CEP70: variants seen among roughly 807,000 people sequenced by gnomAD.
CEP70 encodes the protein centrosomal protein 70, also known as centrosomal protein of 70 kDa.
In CEP70, 70 loss-of-function variants were observed where a neutral mutation model predicts 90.9. That is an observed-to-expected ratio of 0.77 (90% CI 0.64 to 0.94). CEP70 has a LOEUF of 0.94. Among genes scored for constraint, CEP70 ranks in the 40% least tolerant of loss-of-function variants. CEP70 has a pLI of 0.00. For missense variants in CEP70, 648 were observed against 669.0 expected (o/e 0.97, Z 0.35); for synonymous variants, 220 against 228.3 (o/e 0.96, Z 0.33).
At chr3:138,591,797 T>C (rs538665872) in intron 2 of CEP70, 57 bp downstream of exon 2, 2 of 1,406,388 alleles carry the variant, frequency 1.4e-6, no homozygotes, top group South Asian at 1.2e-5. Context: ...TCAATAAATA[T>C]TAGATTTTTT....
chr3:138,524,591 C>T (rs192301519), intron 11 of CEP70, among the ~76,000 whole-genome samples: 1 of 152,064 alleles, frequency 6.6e-6, no homozygotes, highest in Non-Finnish European at 1.5e-5. Context: ...ACCCCATCAA[C>T]AAGTGGGCAA....
intron 7 of CEP70, among the ~76,000 whole-genome samples, chr3:138,535,825 C>T (rs1223551000): frequency 6.6e-6 from 1 of 151,990 alleles, no homozygotes; most frequent in African/African-American, 2.4e-5. Flanking sequence ...GTTCTCTCTC[C>T]CTCACCTCTC....
intron 11 of CEP70, among the ~76,000 whole-genome samples, chr3:138,515,525 ATAG>A (rs1252131779): frequency 6.7e-6 from 1 of 149,516 alleles, no homozygotes; most frequent in Non-Finnish European, 1.5e-5. Context: ...ACATTTGTTT[ATAG>A]TATGAGAGCT....
At chr3:138,584,902 A>G (rs1329577394) in intron 2 of CEP70, among the ~76,000 whole-genome samples, 1 of 152,068 alleles carries the variant, frequency 6.6e-6, no homozygotes, top group Non-Finnish European at 1.5e-5. Flanking sequence ...GAACAAGGAT[A>G]AAAAATTGAC....
chr3:138,559,307 T>C (rs904737418), intron 6 of CEP70, among the ~76,000 whole-genome samples: 3 of 152,154 alleles, frequency 2.0e-5, no homozygotes, highest in Non-Finnish European at 4.4e-5. Context: ...AGAAACAATA[T>C]TTGAAGACAT....
intron 12 of CEP70, among the ~76,000 whole-genome samples, chr3:138,506,974 C>G (rs781255230): frequency 4.6e-5 from 7 of 152,012 alleles, no homozygotes; most frequent in Non-Finnish European, 8.8e-5. Flanking sequence ...AACTCCTGCC[C>G]TCTAGCAATC....
chr3:138,556,391 G>A (rs2040005850), intron 6 of CEP70, among the ~76,000 whole-genome samples: 2 of 152,090 alleles, frequency 1.3e-5, no homozygotes, highest in Non-Finnish European at 2.9e-5. Context: ...AGCTGGGCAT[G>A]GTGGTGGGAG....
At chr3:138,526,379 GT>G (rs11360115) in intron 10 of CEP70, among the ~76,000 whole-genome samples, 75,769 of 151,770 alleles carry the variant, frequency 0.5, 19,450 homozygotes, top group African/African-American at 0.61. Context: ...GGCCAGGCTG[GT>G]TCTCAAACTC....
intron 17 of CEP70, chr3:138,495,714 T>C (rs758722530): frequency 5.2e-6 from 1 of 193,278 alleles, no homozygotes; most frequent in Non-Finnish European, 9.4e-6. Context: ...TAGCTGGGTG[T>C]GGTAGTGGGC....
At position 138,572,370 on chromosome 3, in the gene CEP70, G is replaced by A. The variant is rs75595239; in HGVS notation, c.69+489C>T. Among the ~76,000 whole-genome samples, 209 of 152,106 alleles carry A rather than the reference G, an allele frequency of 1.4e-3. 6 individuals carry two copies. The East Asian group carries it at 0.037, about 27-fold the overall frequency. On this transcript the variant is annotated intron_variant, in intron 3 of 17. Transcript: ENST00000264982. ...CTTTCTGATCACAGAGTTTAACTAC[G>A]TGGTAGACACAACTAAAATTAACAT...
At chr3:138,518,532 G>A (rs1469595598) in intron 11 of CEP70, among the ~76,000 whole-genome samples, 2 of 152,132 alleles carry the variant, frequency 1.3e-5, no homozygotes, top group Non-Finnish European at 2.9e-5. Flanking sequence ...ACCAATATCC[G>A]CTGTTCTGCA....
rs1219666176 is a variant in CEP70, at chr3:138,519,200, G to A, written c.944+6290C>T. On this transcript the variant is annotated intron_variant, in intron 11 of 17. Coordinates refer to ENST00000264982, the MANE Select transcript of CEP70 (RefSeq NM_024491.4). Reference sequence around the variant, plus strand: ...GACTATGTGAAAAGACCAAATCTACGTCTGATTGATGTACCTGAAAGTGAC... The same window carrying A: ...GACTATGTGAAAAGACCAAATCTACATCTGATTGATGTACCTGAAAGTGAC... Among the ~76,000 whole-genome samples, 12 of 152,164 alleles carry A rather than the reference G, an allele frequency of 7.9e-5. No individual in the cohort carries two copies. In the South Asian group the frequency reaches 1.0e-3, roughly 13 times the overall value.
chr3:138,551,530 G>A (rs1187599126), intron 6 of CEP70, among the ~76,000 whole-genome samples: 1 of 152,122 alleles, frequency 6.6e-6, no homozygotes, highest in Non-Finnish European at 1.5e-5. Context: ...TGGATCACCT[G>A]AGGTCAGGAG....
chr3:138,577,886 A>G (rs1369472730), intron 2 of CEP70, among the ~76,000 whole-genome samples: 1 of 152,256 alleles, frequency 6.6e-6, no homozygotes, highest in African/African-American at 2.4e-5. Flanking sequence ...GCCACTTAAA[A>G]TAAAAACATT....
chr3:138,498,626 G>A (rs1162178166), intron 16 of CEP70, among the ~76,000 whole-genome samples: 4 of 151,716 alleles, frequency 2.6e-5, no homozygotes, highest in East Asian at 1.9e-4. Context: ...GAGCTACCAC[G>A]CCCAGCCAAT....
At chr3:138,517,754 AG>A (rs2036177722) in intron 11 of CEP70, among the ~76,000 whole-genome samples, 2 of 152,378 alleles carry the variant, frequency 1.3e-5, no homozygotes, top group South Asian at 4.1e-4. Context: ...TCCCTGCATG[AG>A]CAACGCAGAA....
chr3:138,503,074 AG>A (rs1560279754), intron 13 of CEP70, among the ~76,000 whole-genome samples: 1 of 152,176 alleles, frequency 6.6e-6, no homozygotes, highest in Non-Finnish European at 1.5e-5. Context: ...TTTAAATGTA[AG>A]TTCAGTGTTA....
At chr3:138,509,107 G>C (rs138329193) in intron 11 of CEP70, among the ~76,000 whole-genome samples, 165 of 152,222 alleles carry the variant, frequency 1.1e-3, no homozygotes, top group African/African-American at 3.5e-3. Flanking sequence ...AAATTAGAAG[G>C]AATCTCTGAA....
At chr3:138,529,055 A>G in intron 10 of CEP70, 144 bp downstream of exon 10, 1 of 572,600 alleles carries the variant, frequency 1.7e-6, no homozygotes, top group Admixed American at 3.3e-5. Context: ...AGCCCCAGCT[A>G]CTTAAGAGGC....
Sources: allele counts gnomAD v4.1 joint callset (sites outside exome capture counted in the v4.1 genomes callset), GRCh38; gene constraint gnomAD v4.1.1; transcripts MANE v1.5; gene names NCBI Gene and HGNC (gene_info 2026-07-23, HGNC 2026-07-21).